PCCA: variants seen among roughly 807,000 people sequenced by gnomAD.
The protein encoded by PCCA is propionyl-CoA carboxylase subunit alpha, also known as propionyl-CoA carboxylase alpha chain, mitochondrial.
Under a neutral mutation model 101.3 loss-of-function variants are expected in PCCA, and 74 were observed. The ratio of observed to expected loss-of-function variants is 0.73; its 90% CI spans 0.61 to 0.89. PCCA has a LOEUF of 0.89. Ranked by LOEUF, PCCA falls within the 40% of genes least tolerant of loss-of-function variation. The probability of loss-of-function intolerance (pLI) is 0.00; values close to 1 mark genes in which losing one functional copy is unlikely to be tolerated. For missense variants in PCCA, 891 were observed against 907.0 expected (o/e 0.98, Z 0.23); for synonymous variants, 294 against 313.6 (o/e 0.94, Z 0.66).
intron 16 of PCCA, among the ~76,000 whole-genome samples, chr13:100,322,799 CTCCTGG>C (rs1474524766): frequency 6.6e-6 from 1 of 152,124 alleles, no homozygotes; most frequent in Non-Finnish European, 1.5e-5. Context: ...TGATCTTGAA[CTCCTGG>C]TCTCAAGTCA....
intron 1 of PCCA, among the ~76,000 whole-genome samples, chr13:100,102,411 C>A (rs2047361268): frequency 1.3e-5 from 2 of 152,184 alleles, no homozygotes; most frequent in Admixed American, 1.3e-4. Flanking sequence ...TCATATTTAT[C>A]AGCCAAACCA....
intron 17 of PCCA, among the ~76,000 whole-genome samples, 195 bp downstream of exon 17, chr13:100,330,866 T>G (rs1011322961): frequency 4.6e-5 from 7 of 152,326 alleles, no homozygotes; most frequent in Middle Eastern, 3.4e-3. Flanking sequence ...ATCTGCAGTC[T>G]TGTGGAGTGC....
At chr13:100,301,852 C>T (rs1322543417) in intron 13 of PCCA, among the ~76,000 whole-genome samples, 2 of 152,162 alleles carry the variant, frequency 1.3e-5, no homozygotes, top group African/African-American at 4.8e-5. Context: ...TAAGAGGCAA[C>T]AGAGCATTGG....
intron 4 of PCCA, among the ~76,000 whole-genome samples, chr13:100,138,708 G>A (rs2051474805): frequency 6.6e-6 from 1 of 152,056 alleles, no homozygotes; most frequent in South Asian, 2.1e-4. Context: ...GCCGAAGCGG[G>A]TGGATCACGA....
chr13:100,246,709 G>A (rs1453272013), intron 8 of PCCA, among the ~76,000 whole-genome samples: 1 of 152,048 alleles, frequency 6.6e-6, no homozygotes, highest in Non-Finnish European at 1.5e-5. Flanking sequence ...TGTGGTCAGA[G>A]AGTATCATGT....
intron 21 of PCCA, among the ~76,000 whole-genome samples, chr13:100,505,826 G>T (rs1373587279): frequency 6.8e-6 from 1 of 146,180 alleles, no homozygotes; most frequent in Admixed American, 7.0e-5. Context: ...ATGCCTGGGT[G>T]CCAGAGTGGT....
intron 18 of PCCA, among the ~76,000 whole-genome samples, chr13:100,366,864 G>A (rs1269321743): frequency 6.6e-6 from 1 of 152,048 alleles, no homozygotes. Flanking sequence ...TGCAGATCAA[G>A]AAGTGGTAGG....
At chr13:100,461,779 G>T (rs2082181126) in intron 21 of PCCA, among the ~76,000 whole-genome samples, 1 of 152,196 alleles carries the variant, frequency 6.6e-6, no homozygotes, top group African/African-American at 2.4e-5. Flanking sequence ...CTGTGGTTTG[G>T]TGGGTCATCT....
chr13:100,377,642 C>T (rs1367939624), intron 19 of PCCA, among the ~76,000 whole-genome samples: 2 of 152,010 alleles, frequency 1.3e-5, no homozygotes, highest in Admixed American at 1.3e-4. Context: ...CTACAGGCGC[C>T]TGCCACCACG....
At chr13:100,265,400 C>T (rs772446930) in intron 10 of PCCA, among the ~76,000 whole-genome samples, 15 of 152,124 alleles carry the variant, frequency 9.9e-5, no homozygotes, top group Non-Finnish European at 1.6e-4. Context: ...AGTGAGACTT[C>T]GTCATTGTCT....
At chr13:100,271,370 C>T (rs1365101559) in intron 11 of PCCA, among the ~76,000 whole-genome samples, 2 of 151,622 alleles carry the variant, frequency 1.3e-5, no homozygotes, top group African/African-American at 4.8e-5. Context: ...AGTACACTTC[C>T]CACCTGTGAA....
At chr13:100,404,264 G>A (rs141962990) in intron 19 of PCCA, among the ~76,000 whole-genome samples, 3 of 152,188 alleles carry the variant, frequency 2.0e-5, no homozygotes, top group African/African-American at 7.2e-5. Flanking sequence ...CCAAAAGCCC[G>A]ACTGGTCAGG....
chr13:100,137,757 T>C (rs981734714), intron 4 of PCCA, among the ~76,000 whole-genome samples: 5 of 152,152 alleles, frequency 3.3e-5, no homozygotes, highest in Non-Finnish European at 5.9e-5. Flanking sequence ...ACACAGCATA[T>C]ACTTGGGTCA....
At chr13:100,381,396 A>G (rs2076219232) in intron 19 of PCCA, among the ~76,000 whole-genome samples, 6 of 152,114 alleles carry the variant, frequency 3.9e-5, no homozygotes. Flanking sequence ...CTCAAAAAAA[A>G]AAAAAAAAAA....
At chr13:100,465,469 G>A (rs1013861556) in intron 21 of PCCA, among the ~76,000 whole-genome samples, 8 of 152,174 alleles carry the variant, frequency 5.3e-5, no homozygotes, top group Non-Finnish European at 1.2e-4. Context: ...TAGGTCCATA[G>A]TGTCATCAAC....
At chr13:100,181,644 A>T (rs2056790658) in intron 6 of PCCA, among the ~76,000 whole-genome samples, 1 of 151,852 alleles carries the variant, frequency 6.6e-6, no homozygotes, top group Non-Finnish European at 1.5e-5. Flanking sequence ...GCTGGTCTCG[A>T]ACTCCTGGGC....
chr13:100,421,679 G>T (rs1223553936), intron 19 of PCCA, among the ~76,000 whole-genome samples: 1 of 151,658 alleles, frequency 6.6e-6, no homozygotes, highest in East Asian at 1.9e-4. Flanking sequence ...TCTTGTACAT[G>T]ATTTCTTATT....
At chr13:100,328,689 A>ATTTTTTTTTTTTTTTTTTTTT in intron 16 of PCCA, among the ~76,000 whole-genome samples, 1 of 98,202 alleles carries the variant, frequency 1.0e-5, no homozygotes, top group Admixed American at 1.3e-4. Context: ...GTTGAGGTTA[A>ATTTTTTTTTTTTTTTTTTTTT]TTTTTTTTTT....
intron 19 of PCCA, among the ~76,000 whole-genome samples, chr13:100,409,624 G>A (rs1386654869): frequency 3.9e-5 from 6 of 152,056 alleles, no homozygotes. Flanking sequence ...TTCCCGCCTG[G>A]CTATCTCACC....
Sources: allele counts gnomAD v4.1 joint callset (sites outside exome capture counted in the v4.1 genomes callset), GRCh38; gene constraint gnomAD v4.1.1; transcripts MANE v1.5; gene names NCBI Gene and HGNC (gene_info 2026-07-23, HGNC 2026-07-21).